GRIP1: variants seen among roughly 807,000 people sequenced by gnomAD.
GRIP1 encodes the protein glutamate receptor interacting protein 1, also known as glutamate receptor-interacting protein 1.
Under a neutral mutation model 129.9 loss-of-function variants are expected in GRIP1, and 45 were observed. That is an observed-to-expected ratio of 0.35 (90% CI 0.27 to 0.44). The LOEUF is 0.44. GRIP1 is among the 20% of genes least tolerant of loss of function. The pLI is 1.00. For synonymous variants in GRIP1, 530 were observed against 520.8 expected (o/e 1.02, Z -0.24); for missense variants, 1,196 against 1,396.8 (o/e 0.86, Z 2.29).
rs755458052 is a variant in GRIP1, at chr12:66,827,387, T to TGTGTGTGTGTGTGTGAGAGAGAGAGA, written c.59-230461_59-230460insTCTCTCTCTCTCACACACACACACAC. ...AGGTGTGTGTGTGTGTGTGTGTGTG[T>TGTGTGTGTGTGTGTGAGAGAGAGAGA]GAGAGAGAGAGAGAGAGAGAGAGAG... On this transcript the variant is annotated intron_variant, in intron 1 of 1. Coordinates refer to the GRIP1 transcript ENST00000643019. Among the ~76,000 whole-genome samples the TGTGTGTGTGTGTGTGAGAGAGAGAGA allele has an allele frequency of 3.7e-5, 4 of 108,226 alleles. No homozygotes were observed. In the East Asian group the frequency reaches 1.4e-3, roughly 39 times the overall value. The allele number at this position is 108,226 out of a possible 152,430, so 71.0% of individuals were successfully genotyped here. A position where few individuals can be genotyped will look rare whatever the true frequency, so the allele number is the denominator to read the frequency against.
intron 1 of GRIP1, among the ~76,000 whole-genome samples, chr12:66,776,763 G>T (rs1592835204): frequency 6.6e-6 from 1 of 152,280 alleles, no homozygotes; most frequent in East Asian, 1.9e-4. Context: ...GAATACTTTT[G>T]CTTATTAGAT....
At chr12:66,894,433 T>C (rs1402801566) in intron 1 of GRIP1, among the ~76,000 whole-genome samples, 1 of 152,230 alleles carries the variant, frequency 6.6e-6, no homozygotes, top group East Asian at 1.9e-4. Flanking sequence ...CAAGGTCCTC[T>C]ATGAGTTCCA....
intron 7 of GRIP1, among the ~76,000 whole-genome samples, chr12:66,475,752 C>CA (rs1393771717): frequency 6.6e-6 from 1 of 152,060 alleles, no homozygotes; most frequent in Non-Finnish European, 1.5e-5. Context: ...GAAATGAAGG[C>CA]AAAAATAAAG....
intron 1 of GRIP1, among the ~76,000 whole-genome samples, chr12:66,748,995 T>G (rs1242420676): frequency 3.3e-5 from 5 of 152,196 alleles, no homozygotes. Flanking sequence ...GCAGGGATAA[T>G]GCACAGCAGA....
chr12:66,979,426 G>A (rs1235022848), intron 1 of GRIP1, among the ~76,000 whole-genome samples: 1 of 151,382 alleles, frequency 6.6e-6, no homozygotes, highest in Admixed American at 6.6e-5. Flanking sequence ...GCCCATATGA[G>A]CCACCATGAA....
chr12:66,385,073 G>T (rs1030832634), intron 19 of GRIP1, among the ~76,000 whole-genome samples: 1 of 152,088 alleles, frequency 6.6e-6, no homozygotes, highest in African/African-American at 2.4e-5. Flanking sequence ...CAGCCCAGGC[G>T]TAAGAAAAAA....
intron 1 of GRIP1, among the ~76,000 whole-genome samples, chr12:66,929,539 T>C (rs988586386): frequency 8.5e-5 from 13 of 152,200 alleles, no homozygotes; most frequent in African/African-American, 3.1e-4. Flanking sequence ...ATATGGAAGA[T>C]GATGCAAAAC....
intron 1 of GRIP1, among the ~76,000 whole-genome samples, chr12:66,660,001 T>C (rs1268199519): frequency 6.6e-6 from 1 of 152,216 alleles, no homozygotes; most frequent in African/African-American, 2.4e-5. Context: ...TGTACCAAGA[T>C]AGCATCAAAA....
chr12:66,498,431 A>T (rs76673207), intron 7 of GRIP1, among the ~76,000 whole-genome samples: 3,139 of 152,352 alleles, frequency 0.021, 97 homozygotes, highest in African/African-American at 0.072. Flanking sequence ...AATTGCTGTT[A>T]AGCAAGGGTT....
At chr12:66,508,141 T>C (rs140626683) in intron 7 of GRIP1, among the ~76,000 whole-genome samples, 37 of 152,350 alleles carry the variant, frequency 2.4e-4, no homozygotes, top group African/African-American at 8.7e-4. Context: ...ATCCACGATG[T>C]CATTGTGCAA....
intron 19 of GRIP1, among the ~76,000 whole-genome samples, chr12:66,380,010 A>G (rs369390588): frequency 6.6e-6 from 1 of 151,824 alleles, no homozygotes; most frequent in Non-Finnish European, 1.5e-5. Context: ...GGTTCAAACA[A>G]TTCTCCTGCC....
At chr12:66,570,559 G>T (rs932798789) in intron 2 of GRIP1, among the ~76,000 whole-genome samples, 1 of 152,050 alleles carries the variant, frequency 6.6e-6, no homozygotes, top group African/African-American at 2.4e-5. Flanking sequence ...AAAAACAAGT[G>T]TGAACCCCTG....
chr12:66,937,253 C>T (rs529117311), intron 1 of GRIP1, among the ~76,000 whole-genome samples: 7 of 152,230 alleles, frequency 4.6e-5, no homozygotes, highest in African/African-American at 1.7e-4. Context: ...AAACTCTACC[C>T]CTGACACTTG....
intron 1 of GRIP1, among the ~76,000 whole-genome samples, chr12:67,014,167 A>C (rs1356158279): frequency 1.3e-5 from 2 of 152,186 alleles, no homozygotes; most frequent in Non-Finnish European, 2.9e-5. Flanking sequence ...ACGTAAGCCA[A>C]TAAAACGCTT....
intron 14 of GRIP1, among the ~76,000 whole-genome samples, chr12:66,431,003 G>A (rs2058131306): frequency 1.3e-5 from 2 of 152,238 alleles, no homozygotes; most frequent in South Asian, 4.1e-4. Context: ...AGGTTATATA[G>A]TGCACAACTC....
intron 1 of GRIP1, among the ~76,000 whole-genome samples, chr12:66,934,337 C>T (rs1300761861): frequency 6.6e-6 from 1 of 152,326 alleles, no homozygotes. Flanking sequence ...CAGACATTAT[C>T]TCCTCCAAGA....
At chr12:66,434,744 G>C (rs1198340659) in intron 13 of GRIP1, among the ~76,000 whole-genome samples, 3 of 152,240 alleles carry the variant, frequency 2.0e-5, no homozygotes, top group Admixed American at 6.5e-5. Context: ...CAAAGTGACA[G>C]TTTAAGAATT....
At chr12:66,671,740 G>A (rs1055527832) in intron 1 of GRIP1, among the ~76,000 whole-genome samples, 3 of 152,080 alleles carry the variant, frequency 2.0e-5, no homozygotes, top group Non-Finnish European at 4.4e-5. Flanking sequence ...GTATCCAAAC[G>A]CTATTTCTCC....
At chr12:66,513,380 AT>A (rs1303068952) in intron 7 of GRIP1, among the ~76,000 whole-genome samples, 3 of 152,042 alleles carry the variant, frequency 2.0e-5, no homozygotes, top group Non-Finnish European at 2.9e-5. Context: ...TTTTTTTGCG[AT>A]TTTAAATAGA....
Sources: gnomAD v4.1 joint callset for allele counts (sites outside exome capture counted in the v4.1 genomes callset) on GRCh38, gnomAD v4.1.1 for gene constraint, MANE v1.5 for transcripts, NCBI Gene and HGNC (gene_info 2026-07-23, HGNC 2026-07-21) for gene names.